GPHN: variants seen among roughly 807,000 people sequenced by gnomAD.
GPHN encodes gephyrin.
In GPHN, 17 loss-of-function variants were observed where a neutral mutation model predicts 95.5. That is an observed-to-expected ratio of 0.18 (90% confidence interval 0.12 to 0.27). The LOEUF is 0.27. Ranked by LOEUF, GPHN falls within the 10% of genes least tolerant of loss-of-function variation. GPHN has a pLI of 1.00. For synonymous variants in GPHN, 320 were observed against 322.5 expected (o/e 0.99, Z 0.08); for missense variants, 660 against 978.1 (o/e 0.67, Z 4.34).
At chr14:67,668,093 T>TTA in the GPHN span, among the ~76,000 whole-genome samples, 316 of 152,332 alleles carry the variant, frequency 2.1e-3, 2 homozygotes, top group Admixed American at 5.0e-3. Flanking sequence ...GGGTCTTGTG[T>TTA]TATACATACT....
At chr14:66,978,804 T>C (rs559743004) in intron 9 of GPHN, among the ~76,000 whole-genome samples, 4 of 152,344 alleles carry the variant, frequency 2.6e-5, no homozygotes, top group African/African-American at 9.6e-5. Context: ...AGATCAATTA[T>C]AGGAATTACT....
At chr14:67,733,337 C>T in the GPHN span, among the ~76,000 whole-genome samples, 1 of 152,172 alleles carries the variant, frequency 6.6e-6, no homozygotes, top group African/African-American at 2.4e-5. Context: ...TAACCTCCAA[C>T]TGAGATTTGG....
the GPHN span, among the ~76,000 whole-genome samples, chr14:67,694,139 TTGCAAGG>T: frequency 5.3e-5 from 8 of 152,110 alleles, no homozygotes; most frequent in African/African-American, 1.9e-4. Context: ...GAACTTGGAA[TTGCAAGG>T]TACATACTCT....
chr14:66,529,477 A>T (rs117628963), intron 1 of GPHN, among the ~76,000 whole-genome samples: 1,840 of 151,770 alleles, frequency 0.012, 20 homozygotes, highest in Non-Finnish European at 0.018. Flanking sequence ...AATTCATTAG[A>T]CTCATTATCC....
At chr14:67,427,270 A>G in the GPHN span, among the ~76,000 whole-genome samples, 1 of 152,174 alleles carries the variant, frequency 6.6e-6, no homozygotes, top group African/African-American at 2.4e-5. Flanking sequence ...GTTGTCGACA[A>G]TTTTAAGAGA....
the GPHN span, among the ~76,000 whole-genome samples, chr14:67,396,044 C>T: frequency 1.1e-4 from 17 of 152,314 alleles, no homozygotes; most frequent in Admixed American, 9.8e-4. Flanking sequence ...TGCTCCCTTC[C>T]GTCCTCTTTC....
chr14:67,283,207 G>T, the GPHN span, among the ~76,000 whole-genome samples: 1 of 152,034 alleles, frequency 6.6e-6, no homozygotes, highest in Non-Finnish European at 1.5e-5. Context: ...TAAAGCTAAA[G>T]AACAAAATAT....
chr14:66,526,518 T>C (rs2058698811), intron 1 of GPHN, among the ~76,000 whole-genome samples: 2 of 152,204 alleles, frequency 1.3e-5, no homozygotes, highest in Non-Finnish European at 2.9e-5. Flanking sequence ...AATACTATGT[T>C]GAATAGGAGT....
chr14:67,235,607 C>G, the GPHN span, among the ~76,000 whole-genome samples: 1 of 151,726 alleles, frequency 6.6e-6, no homozygotes, highest in Non-Finnish European at 1.5e-5. Context: ...CCCAGCTACT[C>G]AGGAGGCTGA....
intron 9 of GPHN, chr14:66,985,696 G>A (rs749833470): frequency 5.9e-6 from 9 of 1,530,170 alleles, no homozygotes; most frequent in South Asian, 1.2e-5. Flanking sequence ...TTAGACGGCC[G>A]GATGAAAGCA....
At chr14:67,295,840 C>G in the GPHN span, among the ~76,000 whole-genome samples, 27 of 152,182 alleles carry the variant, frequency 1.8e-4, no homozygotes, top group African/African-American at 6.3e-4. Flanking sequence ...TACTGTGACC[C>G]AGCAATTTCA....
chr14:66,618,955 A>G (rs560184584), intron 1 of GPHN, among the ~76,000 whole-genome samples: 2 of 152,050 alleles, frequency 1.3e-5, no homozygotes, highest in African/African-American at 4.8e-5. Context: ...ACCAAACTGT[A>G]TTTTCTTTTT....
the GPHN span, among the ~76,000 whole-genome samples, chr14:67,260,487 A>G: frequency 1.3e-5 from 2 of 152,222 alleles, no homozygotes; most frequent in African/African-American, 4.8e-5. Flanking sequence ...GCTTGCAATT[A>G]ATAGACATTC....
chr14:66,686,207 T>C (rs2067350050), intron 2 of GPHN, among the ~76,000 whole-genome samples: 2 of 152,196 alleles, frequency 1.3e-5, no homozygotes, highest in Admixed American at 6.5e-5. Flanking sequence ...TTCTTTTGGC[T>C]TAGGATTGAC....
chr14:67,360,328 A>T, the GPHN span: 1 of 397,804 alleles, frequency 2.5e-6, no homozygotes, highest in Non-Finnish European at 4.4e-6. Context: ...GAGGTTCCGC[A>T]TGCGCGGTGG....
rs369830055 is a variant in GPHN at position 66,670,818 on chromosome 14, G to A, written c.65-10289G>A. ...AAAAATAAATAAATAAATAAAAAGA[G>A]GCCATATGTTAAATATTTTAGATTT... On this transcript the variant is annotated intron_variant, in intron 1 of 22. Transcript: ENST00000478722. Among the ~76,000 whole-genome samples, 164 of 152,044 alleles carry A rather than the reference G, an allele frequency of 1.1e-3. 3 individuals carry two copies. In the South Asian group the frequency reaches 0.033, roughly 31 times the overall value.
the GPHN span, among the ~76,000 whole-genome samples, chr14:67,668,844 G>A: frequency 4.6e-5 from 7 of 152,152 alleles, no homozygotes; most frequent in African/African-American, 1.7e-4. Flanking sequence ...GATGCAGCTG[G>A]TTCATGGACC....
chr14:66,683,752 C>T lies in GPHN; in HGVS notation c.143+2567C>T, dbSNP rs2067154728. Among the ~76,000 whole-genome samples, 3 of 151,462 alleles carry T rather than the reference C, an allele frequency of 2.0e-5. 1 individual carries two copies. In the South Asian group the frequency reaches 6.3e-4, roughly 32 times the overall value. ...CAGCACTTTGGGAGGCCGAGGTGGG[C>T]GGATCATGAGGTCAGGAGATCGAGA... On this transcript the variant is annotated intron_variant, in intron 2 of 22. Coordinates refer to ENST00000478722, the MANE Select transcript of GPHN (RefSeq NM_020806.5).
chr14:67,686,569 A>G, the GPHN span, among the ~76,000 whole-genome samples: 146,191 of 150,642 alleles, frequency 0.97, 71,065 homozygotes, highest in East Asian at 1. Flanking sequence ...AACCAGGGAG[A>G]CAGAGGTTGT....
Sources: gnomAD v4.1 joint callset for allele counts (sites outside exome capture counted in the v4.1 genomes callset) on GRCh38, gnomAD v4.1.1 for gene constraint, MANE v1.5 for transcripts, NCBI Gene and HGNC (gene_info 2026-07-23, HGNC 2026-07-21) for gene names.